Variants in TRPM7 observed in about 807,000 individuals in gnomAD.
The protein encoded by TRPM7 is transient receptor potential cation channel subfamily M member 7, also known as LTRPC ion channel family member 7.
Under a neutral mutation model 229.7 loss-of-function variants are expected in TRPM7, and 134 were observed. That is an observed-to-expected ratio of 0.58 (90% CI 0.51 to 0.67). The LOEUF (loss-of-function observed/expected upper bound fraction) is 0.67, where lower values mean the gene tolerates loss of function less well. Ranked by LOEUF, TRPM7 falls within the 30% of genes least tolerant of loss-of-function variation. The pLI, the probability that TRPM7 is intolerant of heterozygous loss-of-function variation, is 0.00. For missense variants in TRPM7, 1,901 were observed against 2,210.0 expected (o/e 0.86, Z 2.80); for synonymous variants, 699 against 715.2 (o/e 0.98, Z 0.36).
intron 8 of TRPM7, 29 bp downstream of exon 8, chr15:50,634,353 A>G: frequency 7.0e-7 from 1 of 1,419,014 alleles, no homozygotes; most frequent in South Asian, 1.6e-5. Flanking sequence ...AAATAAATAA[A>G]ATTAATTAAA....
At chr15:50,598,428 C>A (rs1322158763) in intron 22 of TRPM7, among the ~76,000 whole-genome samples, 1 of 152,178 alleles carries the variant, frequency 6.6e-6, no homozygotes, top group African/African-American at 2.4e-5. Context: ...AGAATGTACT[C>A]ACAAGCTGCA....
chr15:50,611,313 C>T lies in TRPM7; in HGVS notation c.2060G>A (p.Gly687Asp). ...EELKQYSNDFGQLAVELLEQS... is the reference protein window; with the variant it reads ...EELKQYSNDFDQLAVELLEQS... The stretch of plus-strand genomic sequence containing the variant: ...TTCTAATAATTCAACGGCCAACTGA[C>T]CAAAATCACTATAAAAAGATAAAAG... The change falls in exon 17 of 39, where the codon GGT (glycine) becomes GAT (aspartate). Residue 687 changes from glycine to aspartate, a missense_variant. By Grantham distance (94) the Gly-to-Asp change is moderately conservative. Around this residue, in one of 8 missense-constraint regions of TRPM7, gnomAD observed 794 missense variants for 881.9 expected, o/e 0.90. Coordinates refer to ENST00000646667, the MANE Select transcript of TRPM7 (RefSeq NM_017672.6). 3 of 1,612,304 alleles carry T rather than the reference C, an allele frequency of 1.9e-6. No homozygotes were observed. The highest frequency in any genetic ancestry group is 2.5e-6 in the Non-Finnish European group (3 of 1,179,232).
chr15:50,601,420 G>A (rs1187698648), intron 21 of TRPM7, among the ~76,000 whole-genome samples: 2 of 152,166 alleles, frequency 1.3e-5, no homozygotes, highest in African/African-American at 2.4e-5. Flanking sequence ...GAGGCAGGCG[G>A]ATCACAAGGT....
At chr15:50,662,629 T>C (rs2061756217) in intron 2 of TRPM7, among the ~76,000 whole-genome samples, 1 of 152,212 alleles carries the variant, frequency 6.6e-6, no homozygotes, top group Non-Finnish European at 1.5e-5. Flanking sequence ...TACACAAATT[T>C]AAGTTCCCAA....
intron 4 of TRPM7, among the ~76,000 whole-genome samples, chr15:50,648,371 A>G (rs2061329181): frequency 6.6e-6 from 1 of 152,230 alleles, no homozygotes; most frequent in Non-Finnish European, 1.5e-5. Flanking sequence ...AGCAGACAAC[A>G]TTTTTAAAAA....
At chr15:50,654,222 G>A (rs191300979) in intron 3 of TRPM7, among the ~76,000 whole-genome samples, 2,541 of 149,260 alleles carry the variant, frequency 0.017, 54 homozygotes, top group Non-Finnish European at 0.026. Flanking sequence ...AAGGCGGGCG[G>A]ATCACCTGAG....
chr15:50,619,862 G>T, intron 12 of TRPM7, 64 bp from the exon 13 acceptor site: 2 of 1,353,070 alleles, frequency 1.5e-6, no homozygotes, highest in Non-Finnish European at 2.1e-6. Flanking sequence ...AACCTTACAG[G>T]ATTTTTATGA....
intron 38 of TRPM7, among the ~76,000 whole-genome samples, chr15:50,565,290 T>C (rs1376240505): frequency 6.6e-6 from 1 of 152,132 alleles, no homozygotes; most frequent in African/African-American, 2.4e-5. Flanking sequence ...AAATGGAAAC[T>C]GTTTAAATTT....
At position 50,580,872 on chromosome 15, in the gene TRPM7, A is replaced by G. The variant is rs1260285735; in HGVS notation, c.4592+2T>C. ...GCTAATGGTAAGAAAAAGCTTACTT[A>G]CATTTCTCTGTTTGATGGTCTATCT... On this transcript the variant is annotated splice_donor_variant, in intron 30 of 38. Transcript: ENST00000646667. LOFTEE classifies it high-confidence loss of function. 1 of 1,584,618 alleles carries G rather than the reference A, an allele frequency of 6.3e-7. No homozygotes were observed. Among genetic ancestry groups the G allele is most frequent in the Non-Finnish European group, 8.5e-7 (1 of 1,171,082 alleles).
In TRPM7 at chr15:50,604,713, AAC is replaced by A. The variant is rs1189953381; in HGVS notation, c.2988+151_2988+152del. The A allele has an allele frequency of 1.4e-5, 10 of 721,942 alleles. No homozygotes were observed. In the African/African-American group the frequency reaches 1.6e-4, roughly 12 times the overall value. 44.7% of individuals were successfully genotyped at this position (721,942 alleles called of 1,614,324 possible). ...TAGGGGATTGGGATTGAGCATGAGA[AAC>A]TCTTAAGGAATGGCAGATGTGAAGT... On this transcript the variant is annotated intron_variant, in intron 21 of 38. Coordinates refer to ENST00000646667, the MANE Select transcript of TRPM7 (RefSeq NM_017672.6).
Position 50,599,117 on chromosome 15 carries a change from C to CG in TRPM7, c.3163+4_3163+5insC. The stretch of plus-strand genomic sequence containing the variant: ...AAGATAAATCTGTAAATATACAATT[C>CG]TTACCATCAATTTCGTATGCATAAA... On this transcript the variant is annotated splice_donor_region_variant and intron_variant, in intron 22 of 38. Transcript: ENST00000646667. 6.3e-7 allele frequency: 1 copy of CG among 1,582,292 alleles called. No individual in the cohort carries two copies.
intron 1 of TRPM7, among the ~76,000 whole-genome samples, chr15:50,672,861 T>C (rs2062018763): frequency 8.5e-6 from 1 of 117,036 alleles, no homozygotes; most frequent in South Asian, 2.8e-4. Context: ...AGTGAGCCAC[T>C]GCACTCCAGC....
At chr15:50,563,863 ATTC>A (rs569120881) in intron 38 of TRPM7, among the ~76,000 whole-genome samples, 63 of 151,906 alleles carry the variant, frequency 4.1e-4, no homozygotes, top group African/African-American at 1.1e-3. Flanking sequence ...GCCCAAGACA[ATTC>A]TTCTTTTTTT....
intron 21 of TRPM7, 45 bp from the exon 22 acceptor site, chr15:50,599,341 CTA>C: frequency 7.2e-7 from 1 of 1,397,666 alleles, no homozygotes; most frequent in Non-Finnish European, 9.7e-7. Flanking sequence ...AGTTTAAACA[CTA>C]TGACAAATCT....
Position 50,557,433 on chromosome 15 carries a change from A to G in TRPM7, c.*4245T>C, listed in dbSNP as rs563778387. ...GGTAGACTGCTAGCTACTAACTATG[A>G]AAACAACATAGTCTGACTTGAGAGT... On this transcript the variant is annotated 3_prime_UTR_variant, in exon 39 of 39. Transcript: ENST00000646667. The G allele has an allele frequency of 6.6e-6, 1 of 152,316 alleles. No homozygotes were observed. The highest frequency in any genetic ancestry group is 6.5e-5 in the Admixed American group (1 of 15,290). The allele number at this position is 152,316 out of a possible 1,614,324, so 9.4% of individuals were successfully genotyped here.
chr15:50,648,864 G>T lies in TRPM7; in HGVS notation c.144C>A (p.Val48=). The T allele has an allele frequency of 6.2e-7, 1 of 1,609,302 alleles. No individual in the cohort carries two copies. Among genetic ancestry groups the T allele is most frequent in the South Asian group, 1.1e-5 (1 of 90,150 alleles). The change falls in exon 4 of 39, where the codon GTC becomes GTA. Residue 48 remains valine (V), a synonymous_variant. Coordinates refer to ENST00000646667, the MANE Select transcript of TRPM7 (RefSeq NM_017672.6). The part of the protein sequence containing the change: ...QLVRCFCGRL[V]KQHACFTASL... ...TTGCAGTAAAACAAGCATGTTGCTT[G>T]ACCAAGCGACCACAAAAACACCTAA...
At chr15:50,567,833 A>G (rs1166961276) in intron 38 of TRPM7, among the ~76,000 whole-genome samples, 1 of 152,170 alleles carries the variant, frequency 6.6e-6, no homozygotes, top group African/African-American at 2.4e-5. Flanking sequence ...TCATGCCTGT[A>G]ATCCCAGCAC....
At chr15:50,618,835 C>G (rs1012573245) in intron 13 of TRPM7, among the ~76,000 whole-genome samples, 4 of 152,030 alleles carry the variant, frequency 2.6e-5, no homozygotes, top group Admixed American at 2.6e-4. Context: ...TCCATAGGTA[C>G]CCATTGTCTA....
chr15:50,585,050 A>ATTTTTTTTTTTTTTT (rs755433337), intron 28 of TRPM7, among the ~76,000 whole-genome samples: 1 of 95,060 alleles, frequency 1.1e-5, no homozygotes, highest in Non-Finnish European at 2.0e-5. Flanking sequence ...TAATTTTTGT[A>ATTTTTTTTTTTTTTT]TTTTTTTTTT....
Sources: allele counts gnomAD v4.1 joint callset (sites outside exome capture counted in the v4.1 genomes callset), GRCh38; gene constraint gnomAD v4.1.1; regional missense constraint gnomAD v4.1.1; transcripts MANE v1.5; gene names NCBI Gene and HGNC (gene_info 2026-07-23, HGNC 2026-07-21).